The following GARIN5B variants were observed in gnomAD, a reference collection of about 807,000 sequenced individuals.
GARIN5B encodes the protein Golgi-associated RAB2 interactor protein 5B.
At chr19:55,360,658 T>C in the GARIN5B span, 14 of 1,533,804 alleles carry the variant, frequency 9.1e-6, 1 homozygote, top group South Asian at 1.3e-4. Flanking sequence ...CCCTCAGCTC[T>C]GGGGCCTGGG....
chr19:55,363,242 G>T, the GARIN5B span: 1 of 595,670 alleles, frequency 1.7e-6, no homozygotes, highest in Non-Finnish European at 2.6e-6. The surrounding 1 kb of genome is among the most constrained non-coding windows in gnomAD (Gnocchi z 4.0). Flanking sequence ...GGCCCTGCCA[G>T]GGTGGACAGC....
the GARIN5B span, chr19:55,363,191 C>T: frequency 6.9e-6 from 7 of 1,015,414 alleles, no homozygotes; most frequent in South Asian, 2.5e-5. The surrounding 1 kb of genome is among the most constrained non-coding windows in gnomAD (Gnocchi z 4.0). Flanking sequence ...CGTTACAGAG[C>T]GTGGAGATGC....
At chr19:55,355,268 G>A in the GARIN5B span, 1 of 1,538,908 alleles carries the variant, frequency 6.5e-7, no homozygotes, top group East Asian at 2.5e-5. Context: ...ACCTGGCAGC[G>A]CTGGGCTCCT....
the GARIN5B span, chr19:55,358,485 T>C: frequency 2.6e-6 from 4 of 1,539,464 alleles, no homozygotes; most frequent in Non-Finnish European, 3.5e-6. Context: ...AAGGGCACCT[T>C]GGGTGGCCCC....
At chr19:55,361,895 T>C in the GARIN5B span, among the ~76,000 whole-genome samples, 720 of 85,234 alleles carry the variant, frequency 8.4e-3, 2 homozygotes, top group Middle Eastern at 0.018. Context: ...TCCAGGGCCC[T>C]TAGCTCCTCC....
At chr19:55,359,874 A>T in the GARIN5B span, 28 of 1,551,424 alleles carry the variant, frequency 1.8e-5, no homozygotes, top group Non-Finnish European at 2.4e-5. Flanking sequence ...AGGGAGCTGC[A>T]GGAGCCCAGA....
At chr19:55,358,045 C>T in the GARIN5B span, 41 of 1,227,950 alleles carry the variant, frequency 3.3e-5, no homozygotes, top group African/African-American at 5.9e-4. Flanking sequence ...CAGAGTGAGA[C>T]CCTGTCAAAA....
At chr19:55,362,304 G>A in the GARIN5B span, 8 of 1,549,840 alleles carry the variant, frequency 5.2e-6, no homozygotes, top group East Asian at 4.9e-5. Flanking sequence ...GGGGCCGTGC[G>A]CGTGGTCCTG....
At chr19:55,361,673 G>A in the GARIN5B span, among the ~76,000 whole-genome samples, 21 of 20,798 alleles carry the variant, frequency 1.0e-3, 9 homozygotes, top group Admixed American at 3.7e-3. Flanking sequence ...TGACTCAGGG[G>A]TCCAGGCCTC....
At chr19:55,358,580 G>A in the GARIN5B span, 1 of 1,551,204 alleles carries the variant, frequency 6.4e-7, no homozygotes, top group Non-Finnish European at 8.7e-7. Context: ...CTTCACCCAG[G>A]TGTGCGACTC....
chr19:55,358,803 T>G, the GARIN5B span: 1 of 1,548,644 alleles, frequency 6.5e-7, no homozygotes, highest in Non-Finnish European at 8.7e-7. Context: ...GAGAAGGGCC[T>G]GCTGTGCTCC....
chr19:55,360,989 C>T, the GARIN5B span: 1 of 1,550,626 alleles, frequency 6.4e-7, no homozygotes. Context: ...GCAACAAGAC[C>T]CCACGCCCAC....
chr19:55,361,246 G>T, the GARIN5B span: 13 of 1,550,852 alleles, frequency 8.4e-6, no homozygotes, highest in Non-Finnish European at 1.1e-5. Flanking sequence ...TGACTGGGAA[G>T]AGAGGAGACA....
At chr19:55,362,830 A>C in the GARIN5B span, 2 of 1,473,094 alleles carry the variant, frequency 1.4e-6, no homozygotes, top group Non-Finnish European at 1.8e-6. Flanking sequence ...TGACTGCTAA[A>C]TCCCGTTCCC....
At chr19:55,355,239 C>T in the GARIN5B span, 2 of 1,183,034 alleles carry the variant, frequency 1.7e-6, no homozygotes, top group Non-Finnish European at 2.3e-6. Context: ...TAAGGCAGAT[C>T]TCCAGGGTCT....
At chr19:55,363,120 G>T in the GARIN5B span, 1 of 1,422,344 alleles carries the variant, frequency 7.0e-7, no homozygotes, top group Non-Finnish European at 9.2e-7. This position sits in a 1 kb window ranked among gnomAD's most constrained non-coding sequence, Gnocchi z 4.0. Flanking sequence ...AGGCGTGCAG[G>T]CCTCCCAGCC....
the GARIN5B span, chr19:55,362,516 G>A: frequency 1.3e-6 from 2 of 1,537,060 alleles, no homozygotes; most frequent in Non-Finnish European, 1.8e-6. Context: ...GGGAGAGGGA[G>A]AGGGGAGCGT....
the GARIN5B span, chr19:55,361,366 C>T: frequency 3.4e-4 from 518 of 1,538,360 alleles, 2 homozygotes; most frequent in African/African-American, 5.7e-3. Context: ...GTCCCTGCGA[C>T]GGGGAGAACC....
At chr19:55,359,956 T>A in the GARIN5B span, 1 of 1,549,310 alleles carries the variant, frequency 6.5e-7, no homozygotes, top group Non-Finnish European at 8.7e-7. Flanking sequence ...GGCCTGTGGC[T>A]TCATCAGATG....
Sources: gnomAD v4.1 joint callset for allele counts (sites outside exome capture counted in the v4.1 genomes callset) on GRCh38, gnomAD v4.1.1 for gene constraint, Gnocchi (gnomAD v3.1) non-coding constraint, MANE v1.5 for transcripts, NCBI Gene and HGNC (gene_info 2026-07-23, HGNC 2026-07-21) for gene names.